AEBP2: variants seen among roughly 807,000 people sequenced by gnomAD.
AEBP2 encodes the protein zinc finger protein AEBP2.
A neutral mutation model predicts 50.8 loss-of-function variants in AEBP2; 10 were observed. That is an observed-to-expected ratio of 0.20 (90% CI 0.12 to 0.33). The LOEUF (loss-of-function observed/expected upper bound fraction) is 0.33, where lower values mean the gene tolerates loss of function less well. AEBP2 is among the 10% of genes least tolerant of loss of function. AEBP2 has a pLI of 1.00. For synonymous variants in AEBP2, 296 were observed against 261.3 expected (o/e 1.13, Z -1.28); for missense variants, 570 against 688.0 (o/e 0.83, Z 1.92).
intron 1 of AEBP2, among the ~76,000 whole-genome samples, chr12:19,433,284 A>G (rs1347768405): frequency 6.6e-6 from 1 of 152,074 alleles, no homozygotes; most frequent in African/African-American, 2.4e-5. Context: ...ACTACTTGGG[A>G]GGATGAGGCA....
intron 1 of AEBP2, chr12:19,457,468 C>A (rs1157162469): frequency 5.3e-6 from 8 of 1,514,674 alleles, no homozygotes; most frequent in Middle Eastern, 2.3e-4. Context: ...TTCAGTTTAT[C>A]CAAGACCCAG....
At chr12:19,410,177 C>G (rs1565693282) in intron 1 of AEBP2, among the ~76,000 whole-genome samples, 1 of 152,136 alleles carries the variant, frequency 6.6e-6, no homozygotes, top group Non-Finnish European at 1.5e-5. Context: ...TTCTCATCCC[C>G]CGCTATGGTT....
chr12:19,510,275 G>T (rs932210507), intron 5 of AEBP2, among the ~76,000 whole-genome samples: 1 of 152,152 alleles, frequency 6.6e-6, no homozygotes, highest in Non-Finnish European at 1.5e-5. Context: ...ATGGCAGTAC[G>T]GTGTAATACA....
At position 19,518,203 on chromosome 12, in the gene AEBP2, T is replaced by C. The variant is rs1949347164; in HGVS notation, c.*86T>C. The C allele has an allele frequency of 3.6e-6, 5 of 1,404,242 alleles. No homozygotes were observed. The highest frequency in any genetic ancestry group is 1.9e-6 in the Non-Finnish European group (2 of 1,081,034). The allele number at this position is 1,404,242 out of a possible 1,614,324, so 87.0% of individuals were successfully genotyped here. A position where few individuals can be genotyped will look rare whatever the true frequency, so the allele number is the denominator to read the frequency against. ...AATGGGTTTAGGGAAAGTTGCACAT[T>C]AGAGTCAACCCCTTCTTTTTTTTTT... On this transcript the variant is annotated 3_prime_UTR_variant, in exon 8 of 8. Transcript: ENST00000266508.
At chr12:19,504,183 T>C (rs1280850141) in intron 5 of AEBP2, among the ~76,000 whole-genome samples, 1 of 151,854 alleles carries the variant, frequency 6.6e-6, no homozygotes, top group Non-Finnish European at 1.5e-5. Context: ...TTTCAGATAA[T>C]GAAACTAGGA....
chr12:19,512,350 T>C (rs1236959689), intron 5 of AEBP2, 48 bp from the exon 6 acceptor site: 1 of 1,297,416 alleles, frequency 7.7e-7, no homozygotes, highest in African/African-American at 1.5e-5. Flanking sequence ...TACATGAAAA[T>C]GATGTTTTAC....
chr12:19,505,515 A>G (rs535855689), intron 5 of AEBP2, among the ~76,000 whole-genome samples: 4 of 152,352 alleles, frequency 2.6e-5, no homozygotes, highest in Non-Finnish European at 2.9e-5. Context: ...TAATGAGGGC[A>G]TAAGCCATTC....
upstream of AEBP2, among the ~76,000 whole-genome samples, chr12:19,435,973 G>A (rs577404917): frequency 2.8e-3 from 420 of 152,218 alleles, 4 homozygotes; most frequent in Non-Finnish European, 3.8e-3. Flanking sequence ...ATACGGGATG[G>A]GTAAAATAAG....
rs146275509 is a variant in AEBP2 at position 19,407,371 on chromosome 12, C to T, written c.-17+3155C>T. On this transcript the variant is annotated intron_variant, in intron 1 of 3. Coordinates refer to the AEBP2 transcript ENST00000538425. ...CTGTAGCCCGGGCGCAATCTTGGCT[C>T]ACTGCAACCTCCACCTCCCAGGTCC... Among the ~76,000 whole-genome samples, 272 of 152,002 alleles carry T rather than the reference C, an allele frequency of 1.8e-3. 2 individuals carry two copies. The highest frequency in any genetic ancestry group is 5.6e-3 in the East Asian group (29 of 5,152).
At chr12:19,480,474 T>C (rs1948710715) in intron 3 of AEBP2, among the ~76,000 whole-genome samples, 1 of 152,230 alleles carries the variant, frequency 6.6e-6, no homozygotes, top group Non-Finnish European at 1.5e-5. Context: ...GCATTTCTTG[T>C]AGTGCTGGCT....
At chr12:19,516,444 G>C (rs1435232385) in intron 7 of AEBP2, among the ~76,000 whole-genome samples, 2 of 152,160 alleles carry the variant, frequency 1.3e-5, no homozygotes, top group Non-Finnish European at 2.9e-5. Context: ...CTGTGTTTCT[G>C]CCTGCATCCT....
intron 4 of AEBP2, among the ~76,000 whole-genome samples, chr12:19,497,337 T>TTA (rs1353236104): frequency 2.1e-5 from 3 of 141,784 alleles, no homozygotes; most frequent in Non-Finnish European, 4.6e-5. Context: ...TGTTTTTTTT[T>TTA]TTTTTTTTTT....
chr12:19,495,547 CT>C (rs35060511), intron 4 of AEBP2, among the ~76,000 whole-genome samples: 6,741 of 140,732 alleles, frequency 0.048, 293 homozygotes, highest in Admixed American at 0.15. Flanking sequence ...TTCATTCTTG[CT>C]TTTTTTTTTT....
At chr12:19,469,514 G>A (rs1948539000) in intron 2 of AEBP2, among the ~76,000 whole-genome samples, 1 of 152,154 alleles carries the variant, frequency 6.6e-6, no homozygotes, top group South Asian at 2.1e-4. Flanking sequence ...GTTTAGCAGT[G>A]GCATGATCTT....
At chr12:19,461,377 G>A (rs1021027242) in intron 1 of AEBP2, among the ~76,000 whole-genome samples, 14 of 152,128 alleles carry the variant, frequency 9.2e-5, no homozygotes, top group African/African-American at 3.4e-4. Flanking sequence ...GAATTTTTGA[G>A]CATTTTGACC....
At chr12:19,492,015 G>A (rs926303620) in intron 3 of AEBP2, among the ~76,000 whole-genome samples, 3 of 152,248 alleles carry the variant, frequency 2.0e-5, no homozygotes, top group South Asian at 2.1e-4. Context: ...GAGGTACCTC[G>A]ATTGAAGGAA....
intron 1 of AEBP2, among the ~76,000 whole-genome samples, chr12:19,431,113 A>G (rs191225320): frequency 6.6e-6 from 1 of 152,254 alleles, no homozygotes; most frequent in Admixed American, 6.5e-5. Flanking sequence ...GAAATAAGGG[A>G]GAAAGTGAAA....
At chr12:19,485,000 A>G (rs1660272148) in intron 3 of AEBP2, among the ~76,000 whole-genome samples, 1 of 152,198 alleles carries the variant, frequency 6.6e-6, no homozygotes, top group African/African-American at 2.4e-5. Context: ...AGTACTAATT[A>G]CATCATGAAG....
At position 19,519,770 on chromosome 12, in the gene AEBP2, G is replaced by T. The variant is rs1178892148; in HGVS notation, c.*1653G>T. ...CATTTGCTTTAAAAAATTTAAAAGTGTAAAAATTATGAGAGACTTTATTCG... is the reference window on the plus strand; with the variant it reads ...CATTTGCTTTAAAAAATTTAAAAGTTTAAAAATTATGAGAGACTTTATTCG... On this transcript the variant is annotated 3_prime_UTR_variant, in exon 8 of 8. Coordinates refer to ENST00000266508, the MANE Select transcript of AEBP2 (RefSeq NM_153207.5). The T allele has an allele frequency of 1.3e-5, 2 of 152,478 alleles. No homozygotes were observed. Among genetic ancestry groups the T allele is most frequent in the Admixed American group, 1.3e-4 (2 of 15,282 alleles). The allele number at this position is 152,478 out of a possible 1,614,324, so 9.4% of individuals were successfully genotyped here. A position where few individuals can be genotyped will look rare whatever the true frequency, so the allele number is the denominator to read the frequency against.
Sources: allele counts gnomAD v4.1 joint callset (sites outside exome capture counted in the v4.1 genomes callset), GRCh38; gene constraint gnomAD v4.1.1; transcripts MANE v1.5; gene names NCBI Gene and HGNC (gene_info 2026-07-23, HGNC 2026-07-21).